The following METTL6 variants were observed in gnomAD, a reference collection of about 807,000 sequenced individuals.
The protein encoded by METTL6 is tRNA N(3)-cytidine methyltransferase METTL6.
In METTL6, 22 loss-of-function variants were observed where a neutral mutation model predicts 26.4. The observed-to-expected ratio is 0.83, with a 90% CI of 0.59 to 1.19. The LOEUF is 1.19. Among genes scored for constraint, METTL6 ranks in the 50% most tolerant of loss-of-function variants. The probability of loss-of-function intolerance (pLI) is 0.00; values close to 1 mark genes in which losing one functional copy is unlikely to be tolerated. For missense variants in METTL6, 304 were observed against 324.8 expected (o/e 0.94, Z 0.49); for synonymous variants, 109 against 116.2 (o/e 0.94, Z 0.40).
In METTL6 at chr3:15,423,708, AAAAT is replaced by A. The variant is rs1254226140; in HGVS notation, c.360+1243_360+1246del. Reference sequence around the variant, plus strand: ...GGCAACGCAGTGAGACCTTATCTCTAAAATAAATAAATAAACAAATAAACACTAG... The same window carrying A: ...GGCAACGCAGTGAGACCTTATCTCTAAAATAAATAAACAAATAAACACTAG... On this transcript the variant is annotated intron_variant, in intron 3 of 5. Coordinates refer to ENST00000383790, the MANE Select transcript of METTL6 (RefSeq NM_152396.4). 1.1e-4 allele frequency among the ~76,000 whole-genome samples: 17 copies of A among 152,184 alleles called. 1 individual carries two copies. In the South Asian group the frequency reaches 3.3e-3, roughly 30 times the overall value.
In METTL6 at chr3:15,410,323, A is replaced by T. The variant is rs1559487938; in HGVS notation, c.*933T>A. 2.6e-5 allele frequency among the ~76,000 whole-genome samples: 4 copies of T among 151,806 alleles called. No individual in the cohort carries two copies. The highest frequency in any genetic ancestry group is 4.8e-5 in the African/African-American group (2 of 41,356). On this transcript the variant is annotated 3_prime_UTR_variant, in exon 6 of 6. Transcript: ENST00000383790. ...AAGTTATGTGAATGTGATCTTTCAA[A>T]TTTTTTTTGTTTTTTTTGAGACAGA...
chr3:15,426,196 C>T, intron 2 of METTL6, 91 bp downstream of exon 2: 2 of 1,293,664 alleles, frequency 1.5e-6, no homozygotes, highest in Non-Finnish European at 2.2e-6. Flanking sequence ...GCCTTGGCCT[C>T]CCCAAGTACT....
chr3:15,382,224 T>G (rs1330225621), exon 7 of METTL6: 1 of 152,128 alleles, frequency 6.6e-6, no homozygotes, highest in Non-Finnish European at 1.5e-5. Context: ...CACTTTTCAT[T>G]AGTCCTAAGC....
At chr3:15,383,474 C>T (rs1699120873) in exon 7 of METTL6, 1 of 150,768 alleles carries the variant, frequency 6.6e-6, no homozygotes, top group African/African-American at 2.4e-5. Context: ...CCCTGAATTC[C>T]TGGGCTCAAG....
chr3:15,401,184 C>T (rs768480624), intron 6 of METTL6, among the ~76,000 whole-genome samples: 24 of 152,008 alleles, frequency 1.6e-4, no homozygotes, highest in South Asian at 4.2e-4. Flanking sequence ...GGACTACAGG[C>T]GCCCACCACC....
At chr3:15,396,683 T>TC (rs1158390030) in intron 6 of METTL6, among the ~76,000 whole-genome samples, 4 of 152,242 alleles carry the variant, frequency 2.6e-5, no homozygotes, top group Admixed American at 2.6e-4. Flanking sequence ...GGATGTCCTT[T>TC]CTGTTTCTTT....
Position 15,418,155 on chromosome 3 carries a change from A to T in METTL6, c.361-2213T>A, listed in dbSNP as rs977421448. Among the ~76,000 whole-genome samples, 35 of 152,342 alleles carry T rather than the reference A, an allele frequency of 2.3e-4. 1 individual carries two copies. The highest frequency in any genetic ancestry group is 8.4e-4 in the African/African-American group (35 of 41,578). ...ATAATATGTCTAGCTTTAACCAAAA[A>T]GTAGAAAACATCCCAGAAGGCAAAA... On this transcript the variant is annotated intron_variant, in intron 3 of 5. Transcript: ENST00000383790.
chr3:15,413,462 G>C (rs1281127353), intron 5 of METTL6, among the ~76,000 whole-genome samples: 1 of 151,758 alleles, frequency 6.6e-6, no homozygotes, highest in African/African-American at 2.4e-5. Flanking sequence ...TGTGGTCCCA[G>C]CTACTCAGGA....
intron 5 of METTL6, among the ~76,000 whole-genome samples, chr3:15,412,835 G>A (rs2124973819): frequency 6.6e-6 from 1 of 152,204 alleles, no homozygotes; most frequent in South Asian, 2.1e-4. Context: ...GAAGAAAAAT[G>A]TTTGTTAAAA....
intron 6 of METTL6, among the ~76,000 whole-genome samples, chr3:15,401,990 A>G (rs1699659893): frequency 6.6e-6 from 1 of 151,902 alleles, no homozygotes; most frequent in Non-Finnish European, 1.5e-5. Flanking sequence ...TACTCTATGA[A>G]CTCGCCCCGA....
In METTL6 at chr3:15,398,164, G is replaced by A. The variant is rs9822337; in HGVS notation, c.*11+13081C>T. On this transcript the variant is annotated intron_variant, in intron 6 of 6. Coordinates refer to the METTL6 transcript ENST00000443029. ...ATCTCCCACATGGCATGGCTGGCCT[G>A]GCGTCAGTTGAACTCTCCACTGCAA... 1.5e-3 allele frequency among the ~76,000 whole-genome samples: 230 copies of A among 151,832 alleles called. 1 individual carries two copies. The highest frequency in any genetic ancestry group is 5.3e-3 in the African/African-American group (218 of 41,386).
chr3:15,384,315 T>TA (rs942320540), intron 6 of METTL6: 1,296 of 204,916 alleles, frequency 6.3e-3, no homozygotes, highest in South Asian at 0.017. Context: ...AGCTCCGCAT[T>TA]AAAAAAAAAT....
intron 6 of METTL6, among the ~76,000 whole-genome samples, chr3:15,402,670 G>C (rs1274386445): frequency 6.7e-6 from 1 of 149,784 alleles, no homozygotes; most frequent in African/African-American, 2.5e-5. Flanking sequence ...GGAGGCGGAG[G>C]TTGCAGTGAG....
intron 5 of METTL6, among the ~76,000 whole-genome samples, chr3:15,413,060 C>T (rs1440235637): frequency 6.6e-6 from 1 of 152,110 alleles, no homozygotes; most frequent in Non-Finnish European, 1.5e-5. Context: ...GCCTGGCCAA[C>T]ATGGCAAAAC....
At chr3:15,412,967 G>C (rs78698474) in intron 5 of METTL6, among the ~76,000 whole-genome samples, 3,621 of 152,250 alleles carry the variant, frequency 0.024, 133 homozygotes, top group African/African-American at 0.082. Flanking sequence ...TCTTTAGGCT[G>C]GGCATGGTGG....
intron 3 of METTL6, among the ~76,000 whole-genome samples, chr3:15,421,618 T>A (rs2061612916): frequency 6.6e-6 from 1 of 152,156 alleles, no homozygotes; most frequent in African/African-American, 2.4e-5. Flanking sequence ...ACCTGGCTAA[T>A]TAAAAAAATC....
Position 15,424,943 on chromosome 3 carries a change from T to C in METTL6, c.360+12A>G, listed in dbSNP as rs1575441007. On this transcript the variant is annotated intron_variant, in intron 3 of 5. Coordinates refer to ENST00000383790, the MANE Select transcript of METTL6 (RefSeq NM_152396.4). ...ACAGAAACACAGCAGAATACATAGA[T>C]GGTGCACCAACCTTAACATATTCAA... is the stretch of plus-strand genomic sequence containing the variant. 2.5e-6 allele frequency: 4 copies of C among 1,613,934 alleles called. No homozygotes were observed. The highest frequency in any genetic ancestry group is 2.2e-5 in the East Asian group (1 of 44,866).
chr3:15,390,193 C>T (rs1205852169), intron 6 of METTL6, among the ~76,000 whole-genome samples: 1 of 151,948 alleles, frequency 6.6e-6, no homozygotes, highest in Middle Eastern at 3.2e-3. Context: ...TTCAGGAGGC[C>T]GAGGTGGGTG....
At chr3:15,413,299 G>A (rs1164153589) in intron 5 of METTL6, among the ~76,000 whole-genome samples, 1 of 151,864 alleles carries the variant, frequency 6.6e-6, no homozygotes, top group Non-Finnish European at 1.5e-5. Context: ...TCCAGGACAG[G>A]CATGGTGACT....
Sources: allele counts gnomAD v4.1 joint callset (sites outside exome capture counted in the v4.1 genomes callset), GRCh38; gene constraint gnomAD v4.1.1; transcripts MANE v1.5; gene names NCBI Gene and HGNC (gene_info 2026-07-23, HGNC 2026-07-21).